Variants in FAM168A observed in about 807,000 individuals in gnomAD.
FAM168A encodes protein FAM168A.
Under a neutral mutation model 28.5 loss-of-function variants are expected in FAM168A, and 3 were observed. That is an observed-to-expected ratio of 0.11 (90% confidence interval 0.05 to 0.27). The LOEUF is 0.27. Among genes scored for constraint, FAM168A ranks in the 10% least tolerant of loss-of-function variants. The pLI is 1.00. For missense variants in FAM168A, 222 were observed against 311.5 expected, an observed-to-expected ratio of 0.71 and a Z score of 2.16; for synonymous variants, 122 against 124.2, an observed-to-expected ratio of 0.98 and a Z score of 0.12.
intron 1 of FAM168A, among the ~76,000 whole-genome samples, chr11:73,568,349 C>T (rs1448700563): frequency 6.6e-6 from 1 of 151,978 alleles, no homozygotes; most frequent in Admixed American, 6.6e-5. Context: ...TCTGGAACAA[C>T]GGAATCAATT....
chr11:73,540,399 G>C (rs751605483), intron 1 of FAM168A, among the ~76,000 whole-genome samples: 2 of 152,074 alleles, frequency 1.3e-5, no homozygotes, highest in Non-Finnish European at 2.9e-5. Flanking sequence ...CAAAACGTCA[G>C]ATACTCTGCC....
intron 1 of FAM168A, among the ~76,000 whole-genome samples, chr11:73,497,697 A>G (rs1854921393): frequency 6.6e-6 from 1 of 152,148 alleles, no homozygotes; most frequent in Non-Finnish European, 1.5e-5. Flanking sequence ...GTGGGAACTG[A>G]ACAATGAGAA....
At chr11:73,452,003 G>T (rs1763439642) in intron 2 of FAM168A, 1 of 152,202 alleles carries the variant, frequency 6.6e-6, no homozygotes, top group Admixed American at 6.5e-5. Flanking sequence ...GGATAATACA[G>T]ATTAAGTAAG....
chr11:73,496,515 T>C (rs1302768348), intron 1 of FAM168A, among the ~76,000 whole-genome samples: 3 of 152,194 alleles, frequency 2.0e-5, no homozygotes, highest in Admixed American at 6.5e-5. Context: ...TACTTAAAAA[T>C]AGTTAAGATG....
intron 1 of FAM168A, among the ~76,000 whole-genome samples, chr11:73,591,667 A>T (rs1322332606): frequency 6.6e-6 from 1 of 152,158 alleles, no homozygotes; most frequent in Non-Finnish European, 1.5e-5. Context: ...ACGCCACCAC[A>T]TCCAGATAAT....
chr11:73,547,343 CA>C (rs1164440793), intron 1 of FAM168A, among the ~76,000 whole-genome samples: 1 of 151,224 alleles, frequency 6.6e-6, no homozygotes, highest in African/African-American at 2.4e-5. Flanking sequence ...AAATCCAAGA[CA>C]AAATAGAAAA....
intron 1 of FAM168A, among the ~76,000 whole-genome samples, chr11:73,593,955 C>A (rs147808539): frequency 6.6e-6 from 1 of 152,314 alleles, no homozygotes; most frequent in East Asian, 1.9e-4. Context: ...ACTGAAAGCT[C>A]CTTGACAACT....
intron 2 of FAM168A, among the ~76,000 whole-genome samples, chr11:73,453,870 T>G (rs112177865): frequency 9.2e-5 from 14 of 152,298 alleles, no homozygotes; most frequent in African/African-American, 2.6e-4. Context: ...GCCACAAAAA[T>G]TATATCACCA....
Position 73,453,122 on chromosome 11 carries a change from G to A in FAM168A, c.70+15283C>T, listed in dbSNP as rs570176159. On this transcript the variant is annotated intron_variant, in intron 2 of 7. Coordinates refer to ENST00000356467, the MANE Select transcript of FAM168A (RefSeq NM_015159.3). The stretch of plus-strand genomic sequence containing the variant: ...TTCACTCCTGCATCAATCCAGAGAT[G>A]AATTCATTCTCCTCTGATAGCAGGT... Among the ~76,000 whole-genome samples, 3 of 152,358 alleles carry A rather than the reference G, an allele frequency of 2.0e-5. No individual in the cohort carries two copies. The South Asian group carries it at 6.2e-4, about 32-fold the overall frequency.
chr11:73,539,254 T>C (rs1268775676), intron 1 of FAM168A, among the ~76,000 whole-genome samples: 1 of 151,316 alleles, frequency 6.6e-6, no homozygotes, highest in East Asian at 1.9e-4. Flanking sequence ...AGACTCTTTA[T>C]TTTTATTTAT....
intron 1 of FAM168A, among the ~76,000 whole-genome samples, chr11:73,515,925 A>AC (rs1307498545): frequency 6.6e-6 from 1 of 151,858 alleles, no homozygotes; most frequent in Non-Finnish European, 1.5e-5. Flanking sequence ...ACGTGGTGAA[A>AC]CCCCGTCTCT....
At chr11:73,456,823 C>T (rs1459349544) in intron 2 of FAM168A, among the ~76,000 whole-genome samples, 1 of 152,246 alleles carries the variant, frequency 6.6e-6, no homozygotes, top group Non-Finnish European at 1.5e-5. Flanking sequence ...CAGAGAATTT[C>T]AGCCTTTTGC....
intron 1 of FAM168A, among the ~76,000 whole-genome samples, chr11:73,523,270 T>C (rs896261370): frequency 6.6e-6 from 1 of 152,186 alleles, no homozygotes; most frequent in African/African-American, 2.4e-5. Flanking sequence ...GTAATAACGC[T>C]TTACTTCATA....
At chr11:73,417,542 C>G (rs912922008) in intron 4 of FAM168A, among the ~76,000 whole-genome samples, 10 of 150,782 alleles carry the variant, frequency 6.6e-5, no homozygotes, top group African/African-American at 2.4e-4. Context: ...CTCCTTATGG[C>G]TGACATACCT....
intron 1 of FAM168A, among the ~76,000 whole-genome samples, chr11:73,479,737 C>A (rs1867942014): frequency 6.6e-6 from 1 of 152,126 alleles, no homozygotes; most frequent in Non-Finnish European, 1.5e-5. Context: ...ATTTTAAGCA[C>A]CATGAGATCA....
At chr11:73,548,168 A>G (rs923039969) in intron 1 of FAM168A, among the ~76,000 whole-genome samples, 1 of 152,218 alleles carries the variant, frequency 6.6e-6, no homozygotes, top group African/African-American at 2.4e-5. Context: ...TTATGCAACA[A>G]TGTAAATTAG....
At chr11:73,424,909 G>A in intron 3 of FAM168A, 1 of 841,740 alleles carries the variant, frequency 1.2e-6, no homozygotes, top group African/African-American at 1.7e-5. Context: ...CACCTGGGGG[G>A]AGCCCAAGCC....
intron 1 of FAM168A, among the ~76,000 whole-genome samples, chr11:73,547,376 A>T (rs1197686503): frequency 1.3e-5 from 2 of 152,124 alleles, no homozygotes; most frequent in African/African-American, 4.8e-5. Flanking sequence ...GAGGATATGG[A>T]GAAACTAGAA....
intron 2 of FAM168A, among the ~76,000 whole-genome samples, 162 bp downstream of exon 2, chr11:73,468,243 C>A (rs1209216235): frequency 6.6e-6 from 1 of 152,230 alleles, no homozygotes; most frequent in East Asian, 1.9e-4. Flanking sequence ...AACCACACAA[C>A]AGGTTCTCTG....
Sources: allele counts gnomAD v4.1 joint callset (sites outside exome capture counted in the v4.1 genomes callset), GRCh38; gene constraint gnomAD v4.1.1; transcripts MANE v1.5; gene names NCBI Gene and HGNC (gene_info 2026-07-23, HGNC 2026-07-21).